Variants in SLC35F2 observed in about 807,000 individuals in gnomAD.
The protein encoded by SLC35F2 is queuine/queuosine transporter SLC35F2.
In SLC35F2, 25 loss-of-function variants were observed where a neutral mutation model predicts 38.1. That is an observed-to-expected ratio of 0.66 (90% CI 0.48 to 0.92). The LOEUF is 0.92. Among genes scored for constraint, SLC35F2 ranks in the 40% least tolerant of loss-of-function variants. The probability of loss-of-function intolerance (pLI) is 0.00; values close to 1 mark genes in which losing one functional copy is unlikely to be tolerated. For synonymous variants in SLC35F2, 173 were observed against 181.7 expected (o/e 0.95, Z 0.38); for missense variants, 409 against 452.9 (o/e 0.90, Z 0.88).
At chr11:107,833,023 C>T (rs1859872542) in intron 1 of SLC35F2, among the ~76,000 whole-genome samples, 1 of 152,146 alleles carries the variant, frequency 6.6e-6, no homozygotes, top group Non-Finnish European at 1.5e-5. Context: ...CTTAAAGCTC[C>T]CTGGACTTGC....
At chr11:107,818,879 G>A (rs561333486) in intron 1 of SLC35F2, among the ~76,000 whole-genome samples, 5 of 152,268 alleles carry the variant, frequency 3.3e-5, no homozygotes, top group South Asian at 2.1e-4. Flanking sequence ...GGTGGCTCAC[G>A]CCTGTAATTC....
Position 107,805,306 on chromosome 11 carries a change from A to T in SLC35F2, c.731+53T>A. On this transcript the variant is annotated intron_variant, in intron 5 of 7. Coordinates refer to ENST00000525815, the MANE Select transcript of SLC35F2 (RefSeq NM_017515.5). The stretch of plus-strand genomic sequence containing the variant: ...TAAACAATGAATATTAGTAGTTATC[A>T]TCTATAATATATTTGCTTATTTTGT... The T allele has an allele frequency of 1.3e-6, 2 of 1,521,388 alleles. 1 individual carries two copies. Among genetic ancestry groups the T allele is most frequent in the South Asian group, 2.6e-5 (2 of 77,006 alleles). 94.2% of individuals were successfully genotyped at this position (1,521,388 alleles called of 1,614,324 possible). A position where few individuals can be genotyped will look rare whatever the true frequency, so the allele number is the denominator to read the frequency against.
intron 1 of SLC35F2, among the ~76,000 whole-genome samples, chr11:107,842,276 A>AAAAAAAAAAAAAAAAAAAAAAAAAAT: frequency 6.7e-6 from 1 of 148,626 alleles, no homozygotes; most frequent in Non-Finnish European, 1.5e-5. Context: ...AAAAAAAAAA[A>AAAAAAAAAAAAAAAAAAAAAAAAAAT]AAAAAAAAAT....
chr11:107,850,496 G>C (rs1860162461), intron 1 of SLC35F2, among the ~76,000 whole-genome samples: 1 of 152,056 alleles, frequency 6.6e-6, no homozygotes, highest in African/African-American at 2.4e-5. Context: ...GTGGGGCCAG[G>C]TATCTACATC....
chr11:107,828,562 C>T (rs1859789840), intron 1 of SLC35F2, among the ~76,000 whole-genome samples: 1 of 151,878 alleles, frequency 6.6e-6, no homozygotes, highest in Non-Finnish European at 1.5e-5. Flanking sequence ...AATGTTTATC[C>T]TGCCCTTCTT....
At chr11:107,795,548 A>G (rs1859204562) in intron 7 of SLC35F2, among the ~76,000 whole-genome samples, 1 of 152,248 alleles carries the variant, frequency 6.6e-6, no homozygotes, top group Admixed American at 6.5e-5. Context: ...TGAATGGGAG[A>G]AAATATCTGC....
chr11:107,856,378 T>C (rs550597265), intron 1 of SLC35F2, among the ~76,000 whole-genome samples: 1 of 152,196 alleles, frequency 6.6e-6, no homozygotes, highest in South Asian at 2.1e-4. Context: ...GTACTGTTAT[T>C]ATCTCCATTT....
intron 1 of SLC35F2, 107 bp downstream of exon 1, chr11:107,858,551 G>T (rs1357774274): frequency 2.9e-6 from 3 of 1,042,792 alleles, no homozygotes; most frequent in Non-Finnish European, 3.7e-6. Flanking sequence ...CGCCACCTCT[G>T]CCTCCCTGCT....
intron 1 of SLC35F2, among the ~76,000 whole-genome samples, chr11:107,847,957 T>C (rs1264520987): frequency 6.6e-6 from 1 of 152,114 alleles, no homozygotes; most frequent in Non-Finnish European, 1.5e-5. Flanking sequence ...TCTCACAAAA[T>C]GACAAGTGCC....
intron 1 of SLC35F2, among the ~76,000 whole-genome samples, chr11:107,842,251 G>A (rs1463177896): frequency 7.7e-4 from 3 of 3,884 alleles, no homozygotes; most frequent in East Asian, 7.7e-3. Flanking sequence ...GTGAGACTCC[G>A]TCTCACAAAA....
At position 107,846,277 on chromosome 11, in the gene SLC35F2, T is replaced by A. The variant is rs17107506; in HGVS notation, c.110+12381A>T. Reference sequence around the variant, plus strand: ...AGGCTGAAAAAAATCAGACAAATAATCCATATCAACGCCCATGAACGTATT... The same window carrying A: ...AGGCTGAAAAAAATCAGACAAATAAACCATATCAACGCCCATGAACGTATT... On this transcript the variant is annotated intron_variant, in intron 1 of 7. Coordinates refer to ENST00000525815, the MANE Select transcript of SLC35F2 (RefSeq NM_017515.5). Among the ~76,000 whole-genome samples, 1,191 of 151,790 alleles carry A rather than the reference T, an allele frequency of 7.8e-3. 14 individuals are homozygous for A. The highest frequency in any genetic ancestry group is 0.027 in the African/African-American group (1,138 of 41,406).
intron 3 of SLC35F2, chr11:107,809,690 T>A (rs1859452252): frequency 1.0e-6 from 1 of 982,922 alleles, no homozygotes; most frequent in Non-Finnish European, 1.2e-6. Context: ...TCGAAGAGTA[T>A]CAATTTTATT....
chr11:107,839,062 C>T (rs1859978757), intron 1 of SLC35F2, among the ~76,000 whole-genome samples: 1 of 152,176 alleles, frequency 6.6e-6, no homozygotes. Flanking sequence ...ATTAGTAAGT[C>T]TACATTTTTC....
Position 107,855,427 on chromosome 11 carries a change from C to T in SLC35F2, c.110+3231G>A, listed in dbSNP as rs1460417079. 1.2e-4 allele frequency among the ~76,000 whole-genome samples: 18 copies of T among 151,966 alleles called. No homozygotes were observed. In the South Asian group the frequency reaches 3.7e-3, roughly 32 times the overall value. ...CAGCACTTTGGGAGGCCGAGGCGGG[C>T]GGATCACCTGAGGTTGGGAGTTCGA... On this transcript the variant is annotated intron_variant, in intron 1 of 7. Transcript: ENST00000525815.
At chr11:107,813,821 T>G (rs534083911) in intron 2 of SLC35F2, among the ~76,000 whole-genome samples, 47 of 152,208 alleles carry the variant, frequency 3.1e-4, no homozygotes, top group Non-Finnish European at 4.9e-4. Flanking sequence ...CATGCCATCA[T>G]GCCCAGCTAA....
chr11:107,821,427 G>A (rs942225551), intron 1 of SLC35F2: 4 of 985,388 alleles, frequency 4.1e-6, no homozygotes, highest in Non-Finnish European at 4.8e-6. Context: ...ATCTATAATA[G>A]AGGAGTAGGA....
intron 3 of SLC35F2, among the ~76,000 whole-genome samples, chr11:107,807,575 TTATTA>T (rs967296523): frequency 3.0e-5 from 3 of 98,402 alleles, no homozygotes; most frequent in Non-Finnish European, 6.5e-5. Context: ...TATTTTATTA[TTATTA>T]TTTTTTTTTT....
chr11:107,794,226 A>G (rs1305923908), intron 7 of SLC35F2, among the ~76,000 whole-genome samples: 1 of 151,918 alleles, frequency 6.6e-6, no homozygotes, highest in African/African-American at 2.4e-5. Flanking sequence ...GACTACAAGC[A>G]TGCACCACCA....
chr11:107,843,649 G>A (rs1188733732), intron 1 of SLC35F2, among the ~76,000 whole-genome samples: 1 of 151,340 alleles, frequency 6.6e-6, no homozygotes, highest in Non-Finnish European at 1.5e-5. Flanking sequence ...TGAGCCAGGT[G>A]TTCAAGATCA....
Sources: gnomAD v4.1 joint callset for allele counts (sites outside exome capture counted in the v4.1 genomes callset) on GRCh38, gnomAD v4.1.1 for gene constraint, MANE v1.5 for transcripts, NCBI Gene and HGNC (gene_info 2026-07-23, HGNC 2026-07-21) for gene names.